SCN7A: variants seen among roughly 807,000 people sequenced by gnomAD.
The protein encoded by SCN7A is sodium voltage-gated channel alpha subunit 7, also known as sodium channel protein type 7 subunit alpha.
In SCN7A, 138 loss-of-function variants were observed where a neutral mutation model predicts 155.2. The observed-to-expected ratio is 0.89, with a 90% CI of 0.77 to 1.02. SCN7A has a LOEUF of 1.02. Ranked by LOEUF, SCN7A falls within the 50% of genes least tolerant of loss-of-function variation. SCN7A has a pLI of 0.00. For missense variants in SCN7A, 2,058 were observed against 1,986.6 expected (o/e 1.04, Z -0.68); for synonymous variants, 693 against 649.0 (o/e 1.07, Z -1.03).
At position 166,406,121 on chromosome 2, in the gene SCN7A, G is replaced by A. The variant is rs149649737; in HGVS notation, c.4508C>T (p.Ser1503Phe). Residue 1503 changes from serine to phenylalanine, a missense_variant, in exon 26 of 26, where the codon TCT (serine) becomes TTT (phenylalanine). Ser to Phe is a radical substitution (Grantham distance 155). Coordinates refer to ENST00000643258, the MANE Select transcript of SCN7A (RefSeq NM_002976.4). ...ACTCAAGGTCTTGTTTTTCTTCTTA[G>A]AAGCAATATTTAAAAACTCCATGAC... ...VVVMEFLNIA[S>F]KKKNKTLSED... The A allele has an allele frequency of 6.0e-4, 961 of 1,611,582 alleles. 21 individuals carry two copies. In the East Asian group the frequency reaches 0.02, roughly 34 times the overall value.
chr2:166,405,520 C>G lies in SCN7A; in HGVS notation c.*60G>C, dbSNP rs1574993038. 1.6e-6 allele frequency: 2 copies of G among 1,249,782 alleles called. No homozygotes were observed. The highest frequency in any genetic ancestry group is 4.7e-5 in the East Asian group (2 of 42,514). The allele number at this position is 1,249,782 out of a possible 1,614,324, so 77.4% of individuals were successfully genotyped here. A position where few individuals can be genotyped will look rare whatever the true frequency, so the allele number is the denominator to read the frequency against. On this transcript the variant is annotated 3_prime_UTR_variant, in exon 26 of 26. Transcript: ENST00000643258. ...ATCTCTACTTTTCTTTTATTCCTGGCTTAGGCTTTCAACATTTTTCAGATA... is the reference window on the plus strand; with the variant it reads ...ATCTCTACTTTTCTTTTATTCCTGGGTTAGGCTTTCAACATTTTTCAGATA...
At chr2:166,420,373 T>C (rs1701485817) in intron 20 of SCN7A, among the ~76,000 whole-genome samples, 1 of 152,028 alleles carries the variant, frequency 6.6e-6, no homozygotes, top group African/African-American at 2.4e-5. Flanking sequence ...GGCAGACTGA[T>C]ATGAAAAAAA....
In SCN7A at chr2:166,452,368, T is replaced by C. The variant is rs879464342; in HGVS notation, c.1290+4502A>G. Among the ~76,000 whole-genome samples the C allele has an allele frequency of 2.1e-3, 307 of 148,962 alleles. 1 individual carries two copies. Among genetic ancestry groups the C allele is most frequent in the Non-Finnish European group, 3.4e-3 (232 of 67,626 alleles). On this transcript the variant is annotated intron_variant, in intron 11 of 25. Transcript: ENST00000643258. Reference sequence around the variant, plus strand: ...GAAGAATATACTGTATCTGGTATTTTGTGTTTTCTATTCCATAATAGCTAG... The same window carrying C: ...GAAGAATATACTGTATCTGGTATTTCGTGTTTTCTATTCCATAATAGCTAG...
intron 2 of SCN7A, among the ~76,000 whole-genome samples, chr2:166,478,667 C>T (rs1702854374): frequency 6.6e-6 from 1 of 151,842 alleles, no homozygotes; most frequent in Non-Finnish European, 1.5e-5. Context: ...GTCATCAATC[C>T]TTATACAAAA....
chr2:166,458,536 T>C (rs1229463600), intron 10 of SCN7A, among the ~76,000 whole-genome samples: 1 of 152,146 alleles, frequency 6.6e-6, no homozygotes, highest in Non-Finnish European at 1.5e-5. Context: ...TACCACATAA[T>C]AACATTTAGG....
rs1422102001 is a variant in SCN7A at position 166,416,917 on chromosome 2, G to GA, written c.3203dup (p.Trp1069LeufsTer5). On this transcript the variant is annotated frameshift_variant, in exon 21 of 26. Coordinates refer to ENST00000643258, the MANE Select transcript of SCN7A (RefSeq NM_002976.4). LOFTEE classifies it high-confidence loss of function. ...CTCCCATGATACTAAAAATCAGCCA[G>GA]ATCATCAGGCAGACAAGAAACACAT... 1.2e-6 allele frequency: 2 copies of GA among 1,612,434 alleles called. No homozygotes were observed. Among genetic ancestry groups the GA allele is most frequent in the African/African-American group, 2.7e-5 (2 of 74,904 alleles).
intron 18 of SCN7A, among the ~76,000 whole-genome samples, chr2:166,424,687 A>C (rs1701585335): frequency 6.6e-6 from 1 of 152,076 alleles, no homozygotes; most frequent in South Asian, 2.1e-4. Context: ...AAGATTTAGA[A>C]AAAAAAGCAA....
chr2:166,421,568 A>AT (rs919505770), intron 19 of SCN7A, among the ~76,000 whole-genome samples: 33 of 152,120 alleles, frequency 2.2e-4, no homozygotes, highest in African/African-American at 7.7e-4. Context: ...AAAGTTGTAT[A>AT]TTTTATACTC....
chr2:166,429,953 T>G (rs1466049728), intron 16 of SCN7A, among the ~76,000 whole-genome samples: 1 of 152,100 alleles, frequency 6.6e-6, no homozygotes, highest in Admixed American at 6.6e-5. Context: ...CTAATGATAC[T>G]CTTTGCCTTT....
chr2:166,431,069 C>T (rs550680027), intron 16 of SCN7A, among the ~76,000 whole-genome samples: 1 of 152,130 alleles, frequency 6.6e-6, no homozygotes, highest in African/African-American at 2.4e-5. Context: ...TATTTTCATA[C>T]TCCAGAATTT....
At chr2:166,468,353 C>T (rs1463533393) in intron 7 of SCN7A, among the ~76,000 whole-genome samples, 1 of 152,042 alleles carries the variant, frequency 6.6e-6, no homozygotes, top group Non-Finnish European at 1.5e-5. Context: ...AGCTGTTCTT[C>T]ATCTACAGCA....
intron 21 of SCN7A, chr2:166,414,679 G>T (rs534826476): frequency 2.6e-4 from 36 of 138,420 alleles, no homozygotes; most frequent in Non-Finnish European, 4.9e-4. Flanking sequence ...GTTCACAGTG[G>T]GAATAGACAT....
At chr2:166,451,063 T>C (rs897164513) in intron 11 of SCN7A, among the ~76,000 whole-genome samples, 1 of 152,168 alleles carries the variant, frequency 6.6e-6, no homozygotes, top group African/African-American at 2.4e-5. Flanking sequence ...ATGAATTAAT[T>C]ACTCTTCATA....
At chr2:166,437,362 A>G (rs1298234998) in intron 15 of SCN7A, among the ~76,000 whole-genome samples, 1 of 152,192 alleles carries the variant, frequency 6.6e-6, no homozygotes, top group Non-Finnish European at 1.5e-5. Context: ...GGGAATCTCC[A>G]CCAAGATTAC....
chr2:166,428,858 T>C (rs1701675484), intron 17 of SCN7A, among the ~76,000 whole-genome samples: 1 of 152,046 alleles, frequency 6.6e-6, no homozygotes, highest in South Asian at 2.1e-4. Context: ...AAAATCAGTA[T>C]AGTTAAAGCA....
At chr2:166,458,528 C>T (rs982235498) in intron 10 of SCN7A, among the ~76,000 whole-genome samples, 4 of 152,054 alleles carry the variant, frequency 2.6e-5, no homozygotes, top group African/African-American at 7.2e-5. Flanking sequence ...CAGTCTCATA[C>T]CACATAATAA....
intron 19 of SCN7A, among the ~76,000 whole-genome samples, chr2:166,422,081 C>T (rs972953338): frequency 6.6e-6 from 1 of 152,068 alleles, no homozygotes; most frequent in Non-Finnish European, 1.5e-5. Context: ...AGGCGAGTTG[C>T]AGGCATAGTA....
intron 2 of SCN7A, among the ~76,000 whole-genome samples, chr2:166,484,791 G>A (rs550160571): frequency 4.4e-4 from 67 of 152,026 alleles, no homozygotes; most frequent in Admixed American, 4.2e-3. Flanking sequence ...TCTTAAAGGT[G>A]TCAAAGGGAA....
intron 19 of SCN7A, among the ~76,000 whole-genome samples, chr2:166,421,651 G>A (rs1701514032): frequency 6.6e-6 from 1 of 151,894 alleles, no homozygotes. Context: ...TTGTAATACA[G>A]TAATCATATG....
Sources: allele counts gnomAD v4.1 joint callset (sites outside exome capture counted in the v4.1 genomes callset), GRCh38; gene constraint gnomAD v4.1.1; transcripts MANE v1.5; gene names NCBI Gene and HGNC (gene_info 2026-07-23, HGNC 2026-07-21).